Variants in DPP6 observed in about 807,000 individuals in gnomAD.
The protein encoded by DPP6 is A-type potassium channel modulatory protein DPP6.
Under a neutral mutation model 122.6 loss-of-function variants are expected in DPP6, and 69 were observed. The ratio of observed to expected loss-of-function variants is 0.56; its 90% CI spans 0.46 to 0.69. DPP6 has a LOEUF of 0.69. Among genes scored for constraint, DPP6 ranks in the 30% least tolerant of loss-of-function variants. The probability of loss-of-function intolerance (pLI) is 0.00; values close to 1 mark genes in which losing one functional copy is unlikely to be tolerated. For missense variants in DPP6, 928 were observed against 1,116.9 expected, an observed-to-expected ratio of 0.83 and a Z score of 2.41; for synonymous variants, 418 against 433.1, an observed-to-expected ratio of 0.97 and a Z score of 0.43.
intron 5 of DPP6, chr7:154,587,222 C>A: frequency 1.4e-5 from 3 of 220,564 alleles, no homozygotes; most frequent in Non-Finnish European, 2.7e-5. Flanking sequence ...GGTGGACTCT[C>A]ACCAGAGGTC....
chr7:154,735,700 G>A (rs1842541010), intron 8 of DPP6, among the ~76,000 whole-genome samples: 1 of 152,238 alleles, frequency 6.6e-6, no homozygotes, highest in African/African-American at 2.4e-5. Context: ...AGTTGGCTCT[G>A]ACCAGAAAAT....
At chr7:153,865,669 A>C in the DPP6 span, among the ~76,000 whole-genome samples, 1 of 152,080 alleles carries the variant, frequency 6.6e-6, no homozygotes, top group African/African-American at 2.4e-5. Context: ...TATTATTACT[A>C]TATTTAAGTT....
In DPP6 at chr7:154,892,624, C is replaced by T. The variant is rs1806718263; in HGVS notation, c.*144C>T. ...GCATGTGTGTCTCGGATGCGGAAGG[C>T]AGTTTTGCTTGGGAAACAAGCTCCT... is the stretch of plus-strand genomic sequence containing the variant. On this transcript the variant is annotated 3_prime_UTR_variant, in exon 26 of 26. Transcript: ENST00000377770. 1 of 1,497,236 alleles carries T rather than the reference C, an allele frequency of 6.7e-7. No homozygotes were observed. Among genetic ancestry groups the T allele is most frequent in the Non-Finnish European group, 9.0e-7 (1 of 1,111,966 alleles). 92.7% of individuals were successfully genotyped at this position (1,497,236 alleles called of 1,614,324 possible).
intron 8 of DPP6, among the ~76,000 whole-genome samples, chr7:154,765,334 A>C (rs2030788): frequency 0.59 from 89,290 of 152,012 alleles, 26,429 homozygotes; most frequent in Non-Finnish European, 0.62. Flanking sequence ...GCATCTGTAT[A>C]AGCAGCACAC....
chr7:154,060,305 G>T (rs1386910482), intron 1 of DPP6, among the ~76,000 whole-genome samples: 1 of 118,946 alleles, frequency 8.4e-6, no homozygotes, highest in Non-Finnish European at 1.8e-5. Flanking sequence ...TTCCCCCCCT[G>T]GCTCTTAGGA....
chr7:154,283,678 A>G (rs544646294), intron 1 of DPP6, among the ~76,000 whole-genome samples: 17 of 152,340 alleles, frequency 1.1e-4, no homozygotes, highest in African/African-American at 3.8e-4. Flanking sequence ...GAACTTGTGC[A>G]TCGTTGATGA....
chr7:154,229,252 C>G (rs1419293763), intron 1 of DPP6, among the ~76,000 whole-genome samples: 22 of 152,150 alleles, frequency 1.4e-4, no homozygotes, highest in Non-Finnish European at 1.5e-5. Context: ...TAAGGTTGTA[C>G]TTTGTGTTCA....
chr7:154,848,389 T>C (rs1482591558), intron 16 of DPP6, among the ~76,000 whole-genome samples: 4 of 152,222 alleles, frequency 2.6e-5, no homozygotes, highest in Admixed American at 6.5e-5. Flanking sequence ...TGATATCTTA[T>C]TGTGCTTTTA....
chr7:154,481,532 A>AC lies in DPP6; in HGVS notation c.457+6498dup, dbSNP rs1415236407. Among the ~76,000 whole-genome samples the AC allele has an allele frequency of 8.0e-6, 1 of 125,452 alleles. No homozygotes were observed. The highest frequency in any genetic ancestry group is 8.2e-5 in the Admixed American group (1 of 12,186). 82.3% of individuals were successfully genotyped at this position (125,452 alleles called of 152,430 possible). A position where few individuals can be genotyped will look rare whatever the true frequency, so the allele number is the denominator to read the frequency against. On this transcript the variant is annotated intron_variant, in intron 3 of 25. Transcript: ENST00000377770. The surrounding 1 kb of genome is among the most constrained non-coding windows in gnomAD (Gnocchi z 4.2). Reference sequence around the variant, plus strand: ...GTGCGAGCACAGCCCTGGCCCCCCGACCCTCCATGTCTCAGACTCTACATG... The same window carrying AC: ...GTGCGAGCACAGCCCTGGCCCCCCGACCCCTCCATGTCTCAGACTCTACATG...
chr7:154,095,646 T>C (rs1476492824), intron 1 of DPP6: 1 of 115,632 alleles, frequency 8.6e-6, no homozygotes, highest in African/African-American at 3.0e-5. Context: ...AGAGACACCA[T>C]TTGGAGGGGA....
chr7:154,723,621 T>G (rs1348501106), intron 7 of DPP6, among the ~76,000 whole-genome samples: 1 of 152,240 alleles, frequency 6.6e-6, no homozygotes, highest in Non-Finnish European at 1.5e-5. Context: ...CCAGGAGGGC[T>G]GAGCAGAAAA....
chr7:154,029,771 G>A (rs1398797476), intron 1 of DPP6, among the ~76,000 whole-genome samples: 7 of 151,426 alleles, frequency 4.6e-5, no homozygotes, highest in African/African-American at 1.2e-4. Flanking sequence ...GCGTGAACCC[G>A]GGAGGCAGAG....
chr7:153,911,733 GGAGGACAGA>G (rs1260845527), intron 1 of DPP6, among the ~76,000 whole-genome samples: 1 of 152,222 alleles, frequency 6.6e-6, no homozygotes, highest in Non-Finnish European at 1.5e-5. Flanking sequence ...AGAGAATATA[GGAGGACAGA>G]GAGGACAGAG....
At chr7:154,677,436 T>C (rs916513) in intron 7 of DPP6, among the ~76,000 whole-genome samples, 18,425 of 152,254 alleles carry the variant, frequency 0.12, 1,208 homozygotes, top group African/African-American at 0.16. Flanking sequence ...ATTGGGGTTT[T>C]TGCCTTCAAT....
Position 154,164,130 on chromosome 7 carries a change from T to C in DPP6, c.243+111067T>C, listed in dbSNP as rs561910785. ...TCAGGTCTTGGGCCATCGTGTATTT[T>C]CCTTCTCAGAATAGGTGCCTGGGTT... On this transcript the variant is annotated intron_variant, in intron 1 of 25. Coordinates refer to ENST00000377770, the MANE Select transcript of DPP6 (RefSeq NM_130797.4). 8.0e-3 allele frequency among the ~76,000 whole-genome samples: 1,219 copies of C among 152,186 alleles called. 4 individuals carry two copies. Among genetic ancestry groups the C allele is most frequent in the Non-Finnish European group, 0.013 (889 of 68,012 alleles).
intron 1 of DPP6, among the ~76,000 whole-genome samples, chr7:154,264,591 C>A (rs1389437589): frequency 6.6e-6 from 1 of 151,914 alleles, no homozygotes; most frequent in Middle Eastern, 3.2e-3. Context: ...AGAGGGCCCG[C>A]ATTGGTATCT....
chr7:154,722,664 G>A (rs1841878710), intron 7 of DPP6, among the ~76,000 whole-genome samples: 1 of 152,150 alleles, frequency 6.6e-6, no homozygotes, highest in South Asian at 2.1e-4. Context: ...GCCCACGGTT[G>A]TGAGTGGCTC....
the DPP6 span, among the ~76,000 whole-genome samples, chr7:153,850,566 T>G: frequency 6.6e-6 from 1 of 152,184 alleles, no homozygotes; most frequent in African/African-American, 2.4e-5. Context: ...GTTCTCATGC[T>G]GCTAATAAAG....
At chr7:154,441,405 G>C (rs1334531240) in intron 1 of DPP6, among the ~76,000 whole-genome samples, 5 of 152,112 alleles carry the variant, frequency 3.3e-5, no homozygotes, top group African/African-American at 1.2e-4. Flanking sequence ...ATAAATTATA[G>C]TGTGCTTTCA....
Sources: allele counts gnomAD v4.1 joint callset (sites outside exome capture counted in the v4.1 genomes callset), GRCh38; gene constraint gnomAD v4.1.1; non-coding constraint Gnocchi (gnomAD v3.1); transcripts MANE v1.5; gene names NCBI Gene and HGNC (gene_info 2026-07-23, HGNC 2026-07-21).